The following GANC variants were observed in gnomAD, a reference collection of about 807,000 sequenced individuals.
GANC encodes neutral alpha-glucosidase C.
Under a neutral mutation model 124.2 loss-of-function variants are expected in GANC, and 117 were observed. The observed-to-expected ratio is 0.94, with a 90% confidence interval of 0.81 to 1.10. GANC has a LOEUF of 1.10. GANC is among the 50% of genes least tolerant of loss of function. The pLI is 0.00. For missense variants in GANC, 1,140 were observed against 1,095.0 expected (o/e 1.04, Z -0.58); for synonymous variants, 377 against 376.8 (o/e 1.00, Z -0.01).
At chr15:42,310,200 TAGAG>T in intron 8 of GANC, 79 bp from the exon 9 acceptor site, 2 of 1,071,616 alleles carry the variant, frequency 1.9e-6, no homozygotes, top group Non-Finnish European at 2.6e-6. Flanking sequence ...CCTAAGTGTT[TAGAG>T]AGAAGAGTAG....
At chr15:42,316,231 G>A (rs1385830306) in intron 10 of GANC, among the ~76,000 whole-genome samples, 1 of 152,172 alleles carries the variant, frequency 6.6e-6, no homozygotes, top group Non-Finnish European at 1.5e-5. Context: ...TTGTCCCTAT[G>A]TGCGGAGATG....
chr15:42,325,434 T>A (rs940981979), intron 11 of GANC, among the ~76,000 whole-genome samples: 1 of 152,206 alleles, frequency 6.6e-6, no homozygotes, highest in African/African-American at 2.4e-5. Context: ...AGTGATGGTA[T>A]TGTAAAGTCA....
intron 10 of GANC, among the ~76,000 whole-genome samples, chr15:42,312,162 G>C (rs1475651799): frequency 2.6e-5 from 4 of 152,164 alleles, no homozygotes; most frequent in African/African-American, 9.7e-5. Flanking sequence ...TTGCAGAAAT[G>C]GAAAAGCTGA....
rs2052123104 is a variant in GANC, at chr15:42,317,950, A to G, written c.1058-3835A>G. On this transcript the variant is annotated intron_variant, in intron 10 of 23. Coordinates refer to ENST00000318010, the MANE Select transcript of GANC (RefSeq NM_198141.3). ...CTCCTGCTGAGGGTTTAGCTCAATC[A>G]TATACCATACCCTCCTCCGTCTCCC... is the stretch of plus-strand genomic sequence containing the variant. Among the ~76,000 whole-genome samples the G allele has an allele frequency of 5.3e-5, 8 of 152,246 alleles. No homozygotes were observed. The South Asian group carries it at 1.4e-3, about 28-fold the overall frequency.
At position 42,273,216 on chromosome 15, in the gene GANC, G is replaced by A; in HGVS notation, c.-1266G>A. On this transcript the variant is annotated 5_prime_UTR_variant, in exon 1 of 24. Transcript: ENST00000318010. ...TTGGGCCGCCGTAGCCCCACCCCTT[G>A]CTCCTCTAGGTTCAGACGTTAGTGA... The A allele has an allele frequency of 6.2e-7, 1 of 1,610,346 alleles. No homozygotes were observed. Among genetic ancestry groups the A allele is most frequent in the Non-Finnish European group, 8.5e-7 (1 of 1,177,110 alleles).
At chr15:42,327,277 C>G in intron 12 of GANC, 86 bp from the exon 13 acceptor site, 1 of 985,986 alleles carries the variant, frequency 1.0e-6, no homozygotes, top group Non-Finnish European at 1.5e-6. Context: ...CATTTCCCAG[C>G]TCTCACATCT....
chr15:42,288,603 T>C (rs562513976), intron 4 of GANC, among the ~76,000 whole-genome samples: 30 of 152,244 alleles, frequency 2.0e-4, no homozygotes, highest in Admixed American at 4.6e-4. Context: ...AATTCAGTTA[T>C]GATAGAATCA....
intron 6 of GANC, among the ~76,000 whole-genome samples, chr15:42,303,670 GAAAAA>G (rs150074091): frequency 7.8e-6 from 1 of 128,576 alleles, no homozygotes; most frequent in Non-Finnish European, 1.6e-5. Flanking sequence ...TATTTACCAA[GAAAAA>G]AAAAAAAAAA....
At chr15:42,350,942 GC>G (rs1403536705) in intron 22 of GANC, among the ~76,000 whole-genome samples, 3 of 151,716 alleles carry the variant, frequency 2.0e-5, no homozygotes, top group Non-Finnish European at 4.4e-5. Flanking sequence ...TGCGATCTCA[GC>G]TCACTGCAAC....
At chr15:42,315,258 AAAATAAAT>A (rs61214676) in intron 10 of GANC, among the ~76,000 whole-genome samples, 3 of 151,668 alleles carry the variant, frequency 2.0e-5, no homozygotes, top group Non-Finnish European at 4.4e-5. Flanking sequence ...CTAGAAATGG[AAAATAAAT>A]AAATAAATCT....
At chr15:42,334,515 A>C (rs1019954292) in intron 15 of GANC, among the ~76,000 whole-genome samples, 1 of 152,214 alleles carries the variant, frequency 6.6e-6, no homozygotes, top group Non-Finnish European at 1.5e-5. Context: ...GAAAGAACAC[A>C]AAAAGCATGA....
chr15:42,277,274 T>TA (rs1260394384), intron 2 of GANC, among the ~76,000 whole-genome samples: 5 of 152,192 alleles, frequency 3.3e-5, no homozygotes, highest in Non-Finnish European at 5.9e-5. Context: ...CTCACACCTG[T>TA]AATCCCAGCA....
chr15:42,306,673 A>G, intron 7 of GANC, 61 bp downstream of exon 7: 1 of 1,182,410 alleles, frequency 8.5e-7, no homozygotes, highest in South Asian at 1.5e-5. Flanking sequence ...ACATAATTCT[A>G]TCAAAAAGCC....
intron 20 of GANC, among the ~76,000 whole-genome samples, chr15:42,346,636 TAAG>T (rs927964129): frequency 2.0e-5 from 3 of 152,316 alleles, no homozygotes; most frequent in African/African-American, 7.2e-5. Context: ...TTTGTGTGTC[TAAG>T]AAGAACAAAA....
intron 11 of GANC, 60 bp downstream of exon 11, chr15:42,322,080 C>T (rs2052163980): frequency 7.2e-7 from 1 of 1,388,128 alleles, no homozygotes; most frequent in Non-Finnish European, 9.9e-7. Flanking sequence ...ATGTTTTAGA[C>T]TTGCCTTGGC....
intron 15 of GANC, 82 bp downstream of exon 15, chr15:42,330,754 TG>T: frequency 1.3e-6 from 1 of 785,912 alleles, no homozygotes; most frequent in Non-Finnish European, 2.1e-6. Flanking sequence ...GTTACTGTGC[TG>T]ATGCCTTCCT....
intron 19 of GANC, chr15:42,344,897 T>G (rs2052352274): frequency 6.6e-6 from 1 of 152,190 alleles, no homozygotes; most frequent in Non-Finnish European, 1.5e-5. Context: ...CTATCATCAT[T>G]CCAAACACGT....
intron 13 of GANC, 74 bp from the exon 14 acceptor site, chr15:42,329,232 G>T: frequency 7.0e-7 from 1 of 1,420,166 alleles, no homozygotes; most frequent in South Asian, 1.3e-5. Flanking sequence ...TTTTTAAAAT[G>T]AGGTAGCAAT....
intron 6 of GANC, among the ~76,000 whole-genome samples, chr15:42,305,352 C>T (rs995287347): frequency 7.2e-5 from 11 of 152,196 alleles, no homozygotes; most frequent in Admixed American, 5.9e-4. Flanking sequence ...AAAAAAAGCT[C>T]ATCATCACTG....
Sources: allele counts gnomAD v4.1 joint callset (sites outside exome capture counted in the v4.1 genomes callset), GRCh38; gene constraint gnomAD v4.1.1; transcripts MANE v1.5; gene names NCBI Gene and HGNC (gene_info 2026-07-23, HGNC 2026-07-21).